Variants in SLC16A10 observed in about 807,000 individuals in gnomAD.
The protein encoded by SLC16A10 is solute carrier family 16 member 10.
SLC16A10 carries 27 observed loss-of-function variants against 40.0 expected under a neutral mutation model. The ratio of observed to expected loss-of-function variants is 0.67; its 90% CI spans 0.50 to 0.93. The LOEUF (loss-of-function observed/expected upper bound fraction) is 0.93, where lower values mean the gene tolerates loss of function less well. Among genes scored for constraint, SLC16A10 ranks in the 40% least tolerant of loss-of-function variants. The pLI is 0.00. For missense variants in SLC16A10, 529 were observed against 658.2 expected, an observed-to-expected ratio of 0.80 and a Z score of 2.15; for synonymous variants, 213 against 249.8, an observed-to-expected ratio of 0.85 and a Z score of 1.39.
chr6:111,209,614 G>C (rs1252040837), intron 4 of SLC16A10, among the ~76,000 whole-genome samples: 1 of 152,116 alleles, frequency 6.6e-6, no homozygotes, highest in Non-Finnish European at 1.5e-5. Context: ...GGGTTAAGAG[G>C]CCTGTGGGTT....
At chr6:111,209,370 G>C (rs2114586016) in intron 4 of SLC16A10, among the ~76,000 whole-genome samples, 1 of 152,320 alleles carries the variant, frequency 6.6e-6, no homozygotes, top group Non-Finnish European at 1.5e-5. Flanking sequence ...GGCTGGATCT[G>C]AGATTTGTGG....
At chr6:111,180,507 C>T (rs867639059) in intron 3 of SLC16A10, among the ~76,000 whole-genome samples, 7 of 152,144 alleles carry the variant, frequency 4.6e-5, no homozygotes, top group African/African-American at 9.7e-5. Flanking sequence ...CATGATGGTG[C>T]GACTGCACTC....
intron 3 of SLC16A10, among the ~76,000 whole-genome samples, chr6:111,184,765 C>T (rs1342421780): frequency 1.3e-5 from 2 of 152,140 alleles, no homozygotes; most frequent in Non-Finnish European, 2.9e-5. Flanking sequence ...TAGGCATTAA[C>T]CACCGCCCCT....
chr6:111,128,591 A>T (rs1771720492), intron 1 of SLC16A10, among the ~76,000 whole-genome samples: 1 of 152,170 alleles, frequency 6.6e-6, no homozygotes, highest in Non-Finnish European at 1.5e-5. Flanking sequence ...TTTCTACTGG[A>T]CGAGTTCCAC....
intron 2 of SLC16A10, among the ~76,000 whole-genome samples, chr6:111,174,027 T>C (rs1486842686): frequency 6.6e-6 from 1 of 152,162 alleles, no homozygotes; most frequent in Admixed American, 6.5e-5. Context: ...GATGGGCACA[T>C]AACTGCATGG....
At chr6:111,131,579 G>A (rs1000063743) in intron 1 of SLC16A10, among the ~76,000 whole-genome samples, 9 of 152,118 alleles carry the variant, frequency 5.9e-5, no homozygotes, top group African/African-American at 1.7e-4. Context: ...GGAAAATACC[G>A]GGCACCTGTC....
intron 1 of SLC16A10, among the ~76,000 whole-genome samples, chr6:111,103,391 T>A (rs1229442557): frequency 6.6e-6 from 1 of 152,120 alleles, no homozygotes; most frequent in East Asian, 1.9e-4. Context: ...CTAATTTTTG[T>A]ATTTTTAGTA....
At chr6:111,138,075 A>AAAACC (rs780263502) in intron 1 of SLC16A10, among the ~76,000 whole-genome samples, 2 of 152,358 alleles carry the variant, frequency 1.3e-5, no homozygotes, top group Middle Eastern at 3.4e-3. Flanking sequence ...CAACTGCACA[A>AAAACC]AAACCAAACC....
At position 111,177,444 on chromosome 6, in the gene SLC16A10, A is replaced by G. The variant is rs200192335; in HGVS notation, c.721A>G (p.Met241Val). 6 of 1,614,042 alleles carry G rather than the reference A, an allele frequency of 3.7e-6. No homozygotes were observed. Among genetic ancestry groups the G allele is most frequent in the Admixed American group, 1.7e-5 (1 of 59,990 alleles). The change falls in exon 3 of 6, where the codon ATG becomes GTG. Residue 241 changes from methionine to valine, a missense_variant. Transcript: ENST00000368851. ...FYTLRVLCIF[M>V]FVLFLAGFTY... ...CACATTGAGGGTGCTCTGCATCTTC[A>G]TGTTTGTTCTCTTTCTGGCTGGCTT...
intron 1 of SLC16A10, among the ~76,000 whole-genome samples, chr6:111,108,755 C>T (rs2114453815): frequency 6.6e-6 from 1 of 152,294 alleles, no homozygotes; most frequent in South Asian, 2.1e-4. Flanking sequence ...GATTGCTATG[C>T]AGGTGGAATC....
At chr6:111,119,637 AC>A (rs1372154377) in intron 1 of SLC16A10, among the ~76,000 whole-genome samples, 2 of 152,084 alleles carry the variant, frequency 1.3e-5, no homozygotes, top group African/African-American at 4.8e-5. Flanking sequence ...AATGTTTGTA[AC>A]CCCCAAAATC....
At chr6:111,153,279 A>T (rs1772206024) in intron 1 of SLC16A10, among the ~76,000 whole-genome samples, 6 of 152,210 alleles carry the variant, frequency 3.9e-5, no homozygotes, top group Admixed American at 3.9e-4. Context: ...TCATGCCTGT[A>T]ATCGCAGCAC....
intron 1 of SLC16A10, among the ~76,000 whole-genome samples, chr6:111,132,031 A>G (rs1260717108): frequency 6.6e-6 from 1 of 152,162 alleles, no homozygotes; most frequent in African/African-American, 2.4e-5. Context: ...AGGAAGCTCT[A>G]TGCTGTGTCC....
rs965706393 is a variant in SLC16A10, at chr6:111,224,348, A to G, written c.*2113A>G. ...TACAGAAAGTAATTTAAAAATGAAA[A>G]CTTTACTCTGTAAAGACCTCTACAG... On this transcript the variant is annotated 3_prime_UTR_variant, in exon 6 of 6. Transcript: ENST00000368851. 6.6e-6 allele frequency: 1 copy of G among 152,302 alleles called. No homozygotes were observed. Among genetic ancestry groups the G allele is most frequent in the Middle Eastern group, 3.4e-3 (1 of 294 alleles). The allele number at this position is 152,302 out of a possible 1,614,324, so 9.4% of individuals were successfully genotyped here.
intron 3 of SLC16A10, 161 bp downstream of exon 3, chr6:111,177,826 C>A: frequency 1.7e-6 from 1 of 592,086 alleles, no homozygotes; most frequent in Non-Finnish European, 2.8e-6. Flanking sequence ...GTCAGCACAT[C>A]CATTAGACCA....
intron 1 of SLC16A10, among the ~76,000 whole-genome samples, chr6:111,171,654 A>G (rs1400445728): frequency 1.3e-5 from 2 of 152,146 alleles, no homozygotes; most frequent in African/African-American, 4.8e-5. Context: ...TGTTTCTACA[A>G]AAAGTACAAA....
intron 1 of SLC16A10, among the ~76,000 whole-genome samples, chr6:111,157,186 T>C (rs768186070): frequency 4.5e-4 from 69 of 152,236 alleles, no homozygotes; most frequent in Non-Finnish European, 1.2e-4. Flanking sequence ...CCCAAAGTGC[T>C]GAGATTACAG....
rs1229176158 is a variant in SLC16A10 at position 111,230,359 on chromosome 6, TAAG to T, written c.*8129_*8131del. On this transcript the variant is annotated 3_prime_UTR_variant, in exon 6 of 6. Coordinates refer to ENST00000368851, the MANE Select transcript of SLC16A10 (RefSeq NM_018593.5). Reference sequence around the variant, plus strand: ...TTATGAGGATTTTATAAATGTAAATTAAGAAGACAATACACACTCTCATTTTCC... The same window carrying T: ...TTATGAGGATTTTATAAATGTAAATTAAGACAATACACACTCTCATTTTCC... The T allele has an allele frequency of 6.6e-6, 1 of 152,138 alleles. No homozygotes were observed. The highest frequency in any genetic ancestry group is 1.5e-5 in the Non-Finnish European group (1 of 68,024). The allele number at this position is 152,138 out of a possible 1,614,324, so 9.4% of individuals were successfully genotyped here. A position where few individuals can be genotyped will look rare whatever the true frequency, so the allele number is the denominator to read the frequency against.
intron 3 of SLC16A10, chr6:111,193,325 G>T: frequency 1.0e-6 from 1 of 985,628 alleles, no homozygotes; most frequent in East Asian, 1.1e-4. Context: ...GACTGTTCAG[G>T]TTAGTGACAA....
Sources: gnomAD v4.1 joint callset for allele counts (sites outside exome capture counted in the v4.1 genomes callset) on GRCh38, gnomAD v4.1.1 for gene constraint, MANE v1.5 for transcripts, NCBI Gene and HGNC (gene_info 2026-07-23, HGNC 2026-07-21) for gene names.